Variants in TMEM132D observed in about 807,000 individuals in gnomAD.
TMEM132D encodes the protein mature OL transmembrane protein.
TMEM132D carries 21 observed loss-of-function variants against 62.3 expected under a neutral mutation model. That is an observed-to-expected ratio of 0.34 (90% confidence interval 0.24 to 0.49). The LOEUF (loss-of-function observed/expected upper bound fraction) is 0.49. TMEM132D is among the 20% of genes least tolerant of loss of function. The pLI is 0.99. For missense variants in TMEM132D, 1,346 were observed against 1,402.8 expected (o/e 0.96, Z 0.65); for synonymous variants, 621 against 575.6 (o/e 1.08, Z -1.13).
At chr12:129,407,825 C>A (rs908041850) in intron 3 of TMEM132D, among the ~76,000 whole-genome samples, 8 of 151,284 alleles carry the variant, frequency 5.3e-5, no homozygotes, top group Admixed American at 1.3e-4. Flanking sequence ...TGGTGCAAAC[C>A]CGGGAGGCGA....
Position 129,700,625 on chromosome 12 carries a change from G to A in TMEM132D, c.153C>T (p.Tyr51=), listed in dbSNP as rs2137227863. ...AGGAGACGTCCGCGTTGTTGATGTG[G>A]TAGGTCACGGGGAGGTAGGTGGGCA... is the stretch of plus-strand genomic sequence containing the variant. ...SLLPTYLPVT[Y]HINNADVSFF... is the part of the protein sequence containing the mutation. The change falls in exon 2 of 9, where the codon TAC becomes TAT. Residue 51 remains tyrosine, a synonymous_variant. Coordinates refer to ENST00000422113, the MANE Select transcript of TMEM132D (RefSeq NM_133448.3). 1 of 1,614,050 alleles carries A rather than the reference G, an allele frequency of 6.2e-7. No homozygotes were observed. Among genetic ancestry groups the A allele is most frequent in the Admixed American group, 1.7e-5 (1 of 60,018 alleles).
At chr12:129,620,898 T>C (rs1879048261) in intron 2 of TMEM132D, among the ~76,000 whole-genome samples, 1 of 152,134 alleles carries the variant, frequency 6.6e-6, no homozygotes, top group Non-Finnish European at 1.5e-5. Flanking sequence ...GGCGATGGGT[T>C]CATAGGCACA....
intron 1 of TMEM132D, among the ~76,000 whole-genome samples, chr12:129,739,970 C>G (rs1191578178): frequency 1.3e-5 from 2 of 152,170 alleles, no homozygotes; most frequent in Middle Eastern, 3.2e-3. Context: ...ATGATCATAT[C>G]TCCTTGTTAG....
intron 1 of TMEM132D, among the ~76,000 whole-genome samples, chr12:129,786,997 AATG>A (rs1237684801): frequency 7.4e-6 from 1 of 134,608 alleles, no homozygotes; most frequent in Non-Finnish European, 1.7e-5. Context: ...CAAGTTGCAG[AATG>A]ATGAGGGGCT....
chr12:129,175,059 G>A (rs931006292), intron 5 of TMEM132D, among the ~76,000 whole-genome samples: 2 of 152,140 alleles, frequency 1.3e-5, no homozygotes, highest in Non-Finnish European at 2.9e-5. Context: ...CTTTTGCTGT[G>A]CAGAAGTTCT....
chr12:129,152,434 C>T (rs1877101849), intron 5 of TMEM132D, among the ~76,000 whole-genome samples: 1 of 152,232 alleles, frequency 6.6e-6, no homozygotes, highest in African/African-American at 2.4e-5. Context: ...TATCTCACTA[C>T]TGCTCATCAC....
At chr12:129,443,009 C>A (rs905538717) in intron 3 of TMEM132D, among the ~76,000 whole-genome samples, 2 of 152,092 alleles carry the variant, frequency 1.3e-5, no homozygotes, top group Non-Finnish European at 2.9e-5. Context: ...AGTGACTCCT[C>A]AGGGTGGGGT....
At chr12:129,593,426 T>C (rs763467344) in intron 2 of TMEM132D, among the ~76,000 whole-genome samples, 1 of 152,210 alleles carries the variant, frequency 6.6e-6, no homozygotes, top group Non-Finnish European at 1.5e-5. Context: ...TGGTCACACA[T>C]TGGCTGGGTC....
chr12:129,790,850 C>T (rs1040393884), intron 1 of TMEM132D, among the ~76,000 whole-genome samples: 7 of 152,196 alleles, frequency 4.6e-5, no homozygotes, highest in African/African-American at 1.7e-4. Flanking sequence ...CCATAGCATG[C>T]ACAGTGTCTA....
At chr12:129,144,124 C>T (rs944229294) in intron 5 of TMEM132D, among the ~76,000 whole-genome samples, 3 of 151,932 alleles carry the variant, frequency 2.0e-5, no homozygotes, top group Non-Finnish European at 2.9e-5. Flanking sequence ...GCTTCAGATT[C>T]TCAATTAATG....
At chr12:129,574,570 G>A (rs1248665928) in intron 2 of TMEM132D, among the ~76,000 whole-genome samples, 3 of 151,892 alleles carry the variant, frequency 2.0e-5, no homozygotes, top group African/African-American at 7.3e-5. Context: ...TTATTGAGTT[G>A]TTGAACAATG....
intron 1 of TMEM132D, among the ~76,000 whole-genome samples, chr12:129,891,616 A>G (rs1874928155): frequency 6.6e-6 from 1 of 152,188 alleles, no homozygotes; most frequent in Non-Finnish European, 1.5e-5. Flanking sequence ...TTTTTGGCCC[A>G]GAGATTAAGT....
At chr12:129,400,203 G>T (rs1466493507) in intron 3 of TMEM132D, among the ~76,000 whole-genome samples, 1 of 151,972 alleles carries the variant, frequency 6.6e-6, no homozygotes, top group East Asian at 1.9e-4. Context: ...CCAAGTAGAG[G>T]GTGAGGTGGG....
In TMEM132D at chr12:129,430,861, G is replaced by A. The variant is rs35660357; in HGVS notation, c.1116-93044C>T. On this transcript the variant is annotated intron_variant, in intron 3 of 8. Coordinates refer to ENST00000422113, the MANE Select transcript of TMEM132D (RefSeq NM_133448.3). ...TTATTCACTCCTTAAAATGGGGGAG[G>A]TAGATAGGGAAAGAGCTCAGGAGAG... Among the ~76,000 whole-genome samples the A allele has an allele frequency of 2.8e-3, 431 of 152,334 alleles. 5 individuals are homozygous for A. Among genetic ancestry groups the A allele is most frequent in the Admixed American group, 3.5e-3 (54 of 15,308 alleles).
chr12:129,193,035 G>C (rs573382278), intron 5 of TMEM132D, among the ~76,000 whole-genome samples: 1 of 152,130 alleles, frequency 6.6e-6, no homozygotes, highest in East Asian at 1.9e-4. Flanking sequence ...GCAGGTGCCT[G>C]TAGTCCCAGC....
chr12:129,216,540 A>C (rs917311559), intron 4 of TMEM132D, among the ~76,000 whole-genome samples: 2 of 152,218 alleles, frequency 1.3e-5, no homozygotes, highest in Admixed American at 6.5e-5. Flanking sequence ...CACAACCCAC[A>C]GAAGCTGGAA....
At chr12:129,190,116 T>A (rs957806974) in intron 5 of TMEM132D, among the ~76,000 whole-genome samples, 2 of 8,092 alleles carry the variant, frequency 2.5e-4, no homozygotes, top group Non-Finnish European at 6.3e-4. Context: ...GAGGGAGGGG[T>A]CTTGGGGGCC....
rs184846239 is a variant in TMEM132D at position 129,336,496 on chromosome 12, C to T, written c.1299+1138G>A. On this transcript the variant is annotated intron_variant, in intron 4 of 8. Transcript: ENST00000422113. ...GAGGCTGAGACAGGAGAATCAACCCCGGACGGCAAAGGTTGCAGTGAGCCA... is the reference window on the plus strand; with the variant it reads ...GAGGCTGAGACAGGAGAATCAACCCTGGACGGCAAAGGTTGCAGTGAGCCA... Among the ~76,000 whole-genome samples, 35 of 151,892 alleles carry T rather than the reference C, an allele frequency of 2.3e-4. No homozygotes were observed. The East Asian group carries it at 6.0e-3, about 26-fold the overall frequency.
chr12:129,227,788 C>A (rs1179807397), intron 4 of TMEM132D, among the ~76,000 whole-genome samples: 1 of 151,982 alleles, frequency 6.6e-6, no homozygotes, highest in African/African-American at 2.4e-5. Context: ...GTAATGTTCC[C>A]CTTCCTGTGT....
Sources: gnomAD v4.1 joint callset for allele counts (sites outside exome capture counted in the v4.1 genomes callset) on GRCh38, gnomAD v4.1.1 for gene constraint, MANE v1.5 for transcripts, NCBI Gene and HGNC (gene_info 2026-07-23, HGNC 2026-07-21) for gene names.